The following PARP4 variants were observed in gnomAD, a reference collection of about 807,000 sequenced individuals.
PARP4 encodes poly(ADP-ribose) polymerase family member 4, also known as protein mono-ADP-ribosyltransferase PARP4.
A neutral mutation model predicts 187.7 loss-of-function variants in PARP4; 120 were observed. The ratio of observed to expected loss-of-function variants is 0.64; its 90% CI spans 0.55 to 0.74. The LOEUF (loss-of-function observed/expected upper bound fraction) is 0.74. Ranked by LOEUF, PARP4 falls within the 30% of genes least tolerant of loss-of-function variation. The pLI is 0.00. For missense variants in PARP4, 1,836 were observed against 2,070.5 expected, an observed-to-expected ratio of 0.89 and a Z score of 2.20; for synonymous variants, 654 against 740.9, an observed-to-expected ratio of 0.88 and a Z score of 1.90.
intron 1 of PARP4, among the ~76,000 whole-genome samples, chr13:24,506,232 A>G (rs1164862309): frequency 2.0e-5 from 3 of 151,686 alleles, no homozygotes; most frequent in Non-Finnish European, 4.4e-5. Context: ...GCGCATCCAG[A>G]GTTTGTCCGG....
chr13:24,466,331 A>G (rs1192387081), intron 17 of PARP4, among the ~76,000 whole-genome samples: 1 of 152,058 alleles, frequency 6.6e-6, no homozygotes, highest in East Asian at 1.9e-4. Context: ...ACAGGCATGC[A>G]TCACCACACC....
chr13:24,443,780 A>C (rs1385854302), intron 27 of PARP4, 50 bp from the exon 28 acceptor site: 1 of 1,205,912 alleles, frequency 8.3e-7, no homozygotes, highest in Non-Finnish European at 1.2e-6. Flanking sequence ...CTTCTAATAT[A>C]AGACTTGCAA....
chr13:24,435,676 G>C (rs1870599595), intron 30 of PARP4, among the ~76,000 whole-genome samples: 1 of 152,154 alleles, frequency 6.6e-6, no homozygotes, highest in Non-Finnish European at 1.5e-5. Context: ...CAGCACTTTG[G>C]GAGGCCGAGG....
At chr13:24,489,445 T>C (rs1304050313) in intron 10 of PARP4, among the ~76,000 whole-genome samples, 3 of 152,012 alleles carry the variant, frequency 2.0e-5, no homozygotes, top group Non-Finnish European at 4.4e-5. Flanking sequence ...CCGTCTCTAC[T>C]AAAAATACAA....
chr13:24,426,478 G>T lies in PARP4; in HGVS notation c.4967C>A (p.Ala1656Asp). 1 of 1,610,172 alleles carries T rather than the reference G, an allele frequency of 6.2e-7. No homozygotes were observed. Among genetic ancestry groups the T allele is most frequent in the Non-Finnish European group, 8.5e-7 (1 of 1,178,018 alleles). Residue 1656 changes from alanine (A) to aspartate (D), a missense_variant, in exon 33 of 34, where the codon GCT becomes GAT. By Grantham distance (126) the Ala-to-Asp change is moderately radical (BLOSUM62 -2). This residue lies in a region of PARP4 where 45 missense variants were observed against 53.1 expected (regional missense o/e 0.85). Coordinates refer to ENST00000381989, the MANE Select transcript of PARP4 (RefSeq NM_006437.4). ...VFKSLMKMDD[A>D]SISRNIPWAF... The stretch of plus-strand genomic sequence containing the variant: ...TAGTTAAAGCCACCTGGAAATAGAA[G>T]CGTCATCCATTTTCATCAGTGATTT...
intron 24 of PARP4, 147 bp from the exon 25 acceptor site, chr13:24,449,964 A>G (rs948828351): frequency 2.1e-6 from 1 of 471,890 alleles, no homozygotes; most frequent in Non-Finnish European, 3.9e-6. Context: ...TTAAACAGAG[A>G]AAGTGATAAT....
intron 15 of PARP4, among the ~76,000 whole-genome samples, chr13:24,471,358 T>G (rs4480642): frequency 0.51 from 77,394 of 152,068 alleles, 20,018 homozygotes; most frequent in South Asian, 0.65. Context: ...ACATCAGGCC[T>G]GTGGCAGCTG....
At chr13:24,458,211 G>A (rs1871991045) in intron 20 of PARP4, among the ~76,000 whole-genome samples, 3 of 151,150 alleles carry the variant, frequency 2.0e-5, no homozygotes, top group South Asian at 4.2e-4. Flanking sequence ...CTGGGTTCAC[G>A]CCATTCTCCT....
intron 17 of PARP4, 144 bp from the exon 18 acceptor site, chr13:24,460,280 T>C (rs1872144156): frequency 5.8e-6 from 4 of 691,494 alleles, no homozygotes; most frequent in Non-Finnish European, 9.6e-6. Flanking sequence ...AAAAGACACA[T>C]TGGTGGGGCT....
intron 33 of PARP4, 22 bp downstream of exon 33, chr13:24,426,444 A>AT (rs761848426): frequency 7.0e-6 from 11 of 1,565,822 alleles, no homozygotes; most frequent in Non-Finnish European, 7.9e-6. Flanking sequence ...AATAAGTTGC[A>AT]TAATACTATA....
intron 17 of PARP4, among the ~76,000 whole-genome samples, chr13:24,467,049 C>CAAAAAT (rs1872513813): frequency 6.6e-6 from 1 of 151,926 alleles, no homozygotes; most frequent in African/African-American, 2.4e-5. Flanking sequence ...TTCAACAGTA[C>CAAAAAT]GCTATCTAAG....
rs1008709612 is a variant in PARP4 at position 24,455,031 on chromosome 13, A to G, written c.2744T>C (p.Ile915Thr). Residue 915 changes from isoleucine to threonine, a missense_variant, in exon 22 of 34, where the codon ATC (isoleucine) becomes ACC (threonine). By Grantham distance (89) the Ile-to-Thr change is moderately conservative (BLOSUM62 -1). This residue lies in a region of PARP4 where 1,147 missense variants were observed against 1,214.2 expected (regional missense o/e 0.94). Transcript: ENST00000381989. ...LVGEKQKVNI[I>T]QFGTGYKELF... ...AGCGCACTCACCTGTGCCGAACTGG[A>G]TAATATTTACTTTCTGCTTCTCACC... The G allele has an allele frequency of 6.2e-7, 1 of 1,606,814 alleles. No homozygotes were observed. The highest frequency in any genetic ancestry group is 8.5e-7 in the Non-Finnish European group (1 of 1,174,258).
At position 24,441,955 on chromosome 13, in the gene PARP4, G is replaced by C. The variant is rs773308152; in HGVS notation, c.3557C>G (p.Ser1186Trp). Residue 1186 changes from serine to tryptophan, a missense_variant, in exon 30 of 34, where the codon TCG becomes TGG. Ser to Trp is a radical substitution (Grantham distance 177, BLOSUM62 -3). Coordinates refer to ENST00000381989, the MANE Select transcript of PARP4 (RefSeq NM_006437.4). ...VAVEKRDENESPFPDIPKVSE... is the reference protein window; with the variant it reads ...VAVEKRDENEWPFPDIPKVSE... ...AACTTTTGGAATATCAGGAAAAGGC[G>C]ACTCATTCTCATCCTATATTGAATC... The C allele has an allele frequency of 1.2e-5, 19 of 1,602,928 alleles. No homozygotes were observed. The highest frequency in any genetic ancestry group is 1.4e-5 in the Non-Finnish European group (17 of 1,174,892).
chr13:24,446,486 T>C lies in PARP4; in HGVS notation c.3366+195A>G, dbSNP rs992090703. On this transcript the variant is annotated intron_variant, in intron 27 of 33. Coordinates refer to ENST00000381989, the MANE Select transcript of PARP4 (RefSeq NM_006437.4). The stretch of plus-strand genomic sequence containing the variant: ...ACATAAAATACACTAACACTAACGA[T>C]AGCCGATGAGCTGAAAACAAAAACT... 2.6e-5 allele frequency among the ~76,000 whole-genome samples: 4 copies of C among 151,336 alleles called. No homozygotes were observed. The East Asian group carries it at 5.8e-4, about 22-fold the overall frequency.
intron 20 of PARP4, 38 bp downstream of exon 20, chr13:24,459,006 T>A (rs774730185): frequency 2.9e-6 from 4 of 1,391,854 alleles, no homozygotes; most frequent in Non-Finnish European, 4.1e-6. Context: ...AAAGTAGTGT[T>A]AAAATAACAG....
chr13:24,422,286 T>C (rs1324442839), intron 33 of PARP4, among the ~76,000 whole-genome samples: 1 of 152,206 alleles, frequency 6.6e-6, no homozygotes, highest in African/African-American at 2.4e-5. Context: ...TAGTGCACAG[T>C]AGGCACTCAA....
At chr13:24,469,643 G>A (rs544044024) in intron 16 of PARP4, among the ~76,000 whole-genome samples, 17 of 152,252 alleles carry the variant, frequency 1.1e-4, no homozygotes, top group South Asian at 2.1e-4. Context: ...TCACTCTTAC[G>A]GTGCCAAGGC....
At chr13:24,504,243 T>C (rs1869475245) in intron 1 of PARP4, among the ~76,000 whole-genome samples, 1 of 150,760 alleles carries the variant, frequency 6.6e-6, no homozygotes, top group African/African-American at 2.4e-5. Flanking sequence ...AATAAAAATA[T>C]ACAACTATGT....
chr13:24,487,876 C>A (rs1385445993), intron 10 of PARP4, among the ~76,000 whole-genome samples: 2 of 152,152 alleles, frequency 1.3e-5, no homozygotes, highest in African/African-American at 4.8e-5. Context: ...CAAATGTTAA[C>A]AGTGGTTATA....
Sources: gnomAD v4.1 joint callset for allele counts (sites outside exome capture counted in the v4.1 genomes callset) on GRCh38, gnomAD v4.1.1 for gene constraint, gnomAD v4.1.1 regional missense constraint, MANE v1.5 for transcripts, NCBI Gene and HGNC (gene_info 2026-07-23, HGNC 2026-07-21) for gene names.